The following WDR59 variants were observed in gnomAD, a reference collection of about 807,000 sequenced individuals.
WDR59 encodes the protein WD repeat domain 59.
WDR59 carries 100 observed loss-of-function variants against 131.2 expected under a neutral mutation model. That is an observed-to-expected ratio of 0.76 (90% CI 0.65 to 0.90). WDR59 has a LOEUF of 0.90. WDR59 is among the 40% of genes least tolerant of loss of function. The probability of loss-of-function intolerance (pLI) is 0.00; values close to 1 mark genes in which losing one functional copy is unlikely to be tolerated. For missense variants in WDR59, 1,203 were observed against 1,262.2 expected (o/e 0.95, Z 0.71); for synonymous variants, 601 against 466.2 (o/e 1.29, Z -3.72).
At chr16:74,932,844 C>T (rs9937106) in intron 8 of WDR59, among the ~76,000 whole-genome samples, 47,549 of 151,950 alleles carry the variant, frequency 0.31, 8,293 homozygotes, top group African/African-American at 0.47. Context: ...AAATACCTTT[C>T]GATCACATTA....
intron 6 of WDR59, among the ~76,000 whole-genome samples, chr16:74,946,479 T>A (rs1409418781): frequency 1.3e-5 from 2 of 152,094 alleles, no homozygotes; most frequent in African/African-American, 4.8e-5. Flanking sequence ...CCCAACACTT[T>A]AGGAGGCCGA....
intron 7 of WDR59, 35 bp downstream of exon 7, chr16:74,942,703 A>G (rs750377165): frequency 3.7e-5 from 60 of 1,607,458 alleles, no homozygotes; most frequent in South Asian, 2.0e-4. Context: ...GGGAGGGATC[A>G]AAGACCAATA....
chr16:74,877,363 A>G (rs1964265125), intron 25 of WDR59, among the ~76,000 whole-genome samples: 1 of 152,184 alleles, frequency 6.6e-6, no homozygotes, highest in African/African-American at 2.4e-5. Context: ...AGAAAATGTC[A>G]AATGTGATTC....
intron 25 of WDR59, among the ~76,000 whole-genome samples, chr16:74,875,823 C>G (rs925071619): frequency 6.6e-6 from 1 of 152,206 alleles, no homozygotes; most frequent in Admixed American, 6.5e-5. Context: ...CCACAAGAGG[C>G]TGAGCAATCC....
At chr16:74,921,881 A>G in intron 10 of WDR59, 66 bp downstream of exon 10, 1 of 1,552,938 alleles carries the variant, frequency 6.4e-7, no homozygotes. Context: ...CTCCATGGCA[A>G]CACTGACTGG....
At chr16:74,886,223 C>T (rs1964756318) in intron 24 of WDR59, 47 bp downstream of exon 24, 1 of 1,496,930 alleles carries the variant, frequency 6.7e-7, no homozygotes, top group Non-Finnish European at 9.1e-7. Flanking sequence ...AACTGGAGTC[C>T]TGCCTGGAGT....
chr16:74,951,525 G>T lies in WDR59; in HGVS notation c.259C>A (p.Leu87Ile). The T allele has an allele frequency of 6.3e-7, 1 of 1,598,598 alleles. No individual in the cohort carries two copies. Among genetic ancestry groups the T allele is most frequent in the Non-Finnish European group, 8.5e-7 (1 of 1,173,036 alleles). ...FAASSNQRVD[L>I]YKWKDGSGEV... is the part of the protein sequence containing the mutation. ...CCACTGCCGTCTTTCCACTTGTAAA[G>T]GTCTACTCGTTGGTTACTCTGAAAA... Residue 87 changes from leucine to isoleucine, a missense_variant, in exon 4 of 26, where the codon CTT becomes ATT. Leu to Ile is a conservative substitution (Grantham distance 5). Transcript: ENST00000262144.
intron 2 of WDR59, among the ~76,000 whole-genome samples, chr16:74,958,037 A>T (rs2033374399): frequency 1.3e-5 from 2 of 152,220 alleles, no homozygotes; most frequent in South Asian, 4.1e-4. Flanking sequence ...TCGTCCCATC[A>T]GAAGAACAAC....
chr16:74,913,582 C>T (rs570999223), intron 13 of WDR59, among the ~76,000 whole-genome samples: 2 of 152,056 alleles, frequency 1.3e-5, no homozygotes, highest in African/African-American at 2.4e-5. Flanking sequence ...TGAGCCACCA[C>T]GAAGTTCAAA....
At chr16:74,928,098 G>C (rs1032811945) in intron 8 of WDR59, among the ~76,000 whole-genome samples, 4 of 151,488 alleles carry the variant, frequency 2.6e-5, no homozygotes, top group Non-Finnish European at 5.9e-5. Flanking sequence ...AGTAGAGACA[G>C]GGTTTCACCA....
chr16:74,942,774 G>A lies in WDR59; in HGVS notation c.498C>T (p.Thr166=), dbSNP rs1255646667. 4 of 1,612,030 alleles carry A rather than the reference G, an allele frequency of 2.5e-6. No homozygotes were observed. The African/African-American group carries it at 4.0e-5, about 16-fold the overall frequency. ...ATATCCGCACATCGCCGTCATGGCT[G>A]GTGGCAAGGCAGTTAGCATTTTTTT... ...WNKKNANCLA[T]SHDGDVRIWD... is the part of the protein sequence containing the mutation. Residue 166 remains threonine (T), a synonymous_variant, in exon 7 of 26, where the codon ACC becomes ACT. Coordinates refer to ENST00000262144, the MANE Select transcript of WDR59 (RefSeq NM_030581.4).
At chr16:74,984,575 T>C in intron 1 of WDR59, 1 of 272,352 alleles carries the variant, frequency 3.7e-6, no homozygotes. Context: ...TCCACGCAGC[T>C]GAGACTTAGA....
intron 25 of WDR59, among the ~76,000 whole-genome samples, chr16:74,879,017 A>G (rs1289459071): frequency 6.6e-6 from 1 of 152,192 alleles, no homozygotes; most frequent in African/African-American, 2.4e-5. Flanking sequence ...ACTCTTCACT[A>G]CTGATATTAC....
intron 1 of WDR59, among the ~76,000 whole-genome samples, chr16:74,969,143 G>C (rs2033883563): frequency 6.6e-6 from 1 of 152,182 alleles, no homozygotes; most frequent in Non-Finnish European, 1.5e-5. Context: ...ACTGAGATAG[G>C]ATTTCCCAGC....
chr16:74,899,579 C>G (rs1485599402), intron 18 of WDR59: 5 of 794,506 alleles, frequency 6.3e-6, no homozygotes, highest in Non-Finnish European at 9.0e-6. Context: ...TGTTGCTGGT[C>G]CTGAAAACAG....
chr16:74,923,933 C>G lies in WDR59; in HGVS notation c.722G>C (p.Arg241Thr). 1 of 1,613,424 alleles carries G rather than the reference C, an allele frequency of 6.2e-7. No individual in the cohort carries two copies. Among genetic ancestry groups the G allele is most frequent in the East Asian group, 2.2e-5 (1 of 44,878 alleles). The change falls in exon 9 of 26, where the codon AGA becomes ACA. Residue 241 changes from arginine to threonine, a missense_variant. Arg to Thr is a moderately conservative substitution (Grantham distance 71). Coordinates refer to ENST00000262144, the MANE Select transcript of WDR59 (RefSeq NM_030581.4). ...GCAGGGTGGCTCACTCACTGTGTAT[C>G]TGGCCTTCCAGACAGGCACCTGGCA... ...LPCQVPVWKA[R>T]YTPFSNGLVT...
chr16:74,923,867 C>A (rs2145011766), intron 9 of WDR59, 59 bp downstream of exon 9: 3 of 1,483,580 alleles, frequency 2.0e-6, no homozygotes, highest in South Asian at 1.2e-5. Flanking sequence ...CCCCGGGCTC[C>A]TTCTTTTTGG....
At chr16:74,973,728 T>C (rs1238230176) in intron 1 of WDR59, among the ~76,000 whole-genome samples, 1 of 152,192 alleles carries the variant, frequency 6.6e-6, no homozygotes, top group Non-Finnish European at 1.5e-5. Flanking sequence ...TCATGGTGGA[T>C]TGTAAAATTA....
intron 1 of WDR59, among the ~76,000 whole-genome samples, chr16:74,983,687 C>T (rs1301339675): frequency 6.6e-6 from 1 of 151,944 alleles, no homozygotes; most frequent in Non-Finnish European, 1.5e-5. Context: ...ATAAAATCTT[C>T]ACTCGAGGCT....
Sources: gnomAD v4.1 joint callset for allele counts (sites outside exome capture counted in the v4.1 genomes callset) on GRCh38, gnomAD v4.1.1 for gene constraint, MANE v1.5 for transcripts, NCBI Gene and HGNC (gene_info 2026-07-23, HGNC 2026-07-21) for gene names.